Variants in VARS1 observed in about 807,000 individuals in gnomAD.
VARS1 encodes the protein valyl-tRNA synthetase 1, also known as valine--tRNA ligase.
In VARS1, 92 loss-of-function variants were observed where a neutral mutation model predicts 161.0. The ratio of observed to expected loss-of-function variants is 0.57; its 90% CI spans 0.48 to 0.68. The LOEUF (loss-of-function observed/expected upper bound fraction) is 0.68, where lower values mean the gene tolerates loss of function less well. Ranked by LOEUF, VARS1 falls within the 30% of genes least tolerant of loss-of-function variation. The pLI is 0.00. For synonymous variants in VARS1, 595 were observed against 682.5 expected (o/e 0.87, Z 2.00); for missense variants, 1,338 against 1,695.9 (o/e 0.79, Z 3.71).
Position 31,779,361 on chromosome 6 carries a change from A to G in VARS1, c.3400+64T>C. The G allele has an allele frequency of 6.2e-7, 1 of 1,602,842 alleles. No individual in the cohort carries two copies. The highest frequency in any genetic ancestry group is 8.5e-7 in the Non-Finnish European group (1 of 1,178,336). Reference sequence around the variant, plus strand: ...GGAAACCAAGCAGTCACTGCCGGACACTGGGTCCCAGAGTAGGCTGAGGGG... The same window carrying G: ...GGAAACCAAGCAGTCACTGCCGGACGCTGGGTCCCAGAGTAGGCTGAGGGG... On this transcript the variant is annotated intron_variant, in intron 28 of 29. Transcript: ENST00000375663. The surrounding 1 kb of genome is among the most constrained non-coding windows in gnomAD (Gnocchi z 9.1).
At chr6:31,783,288 T>C in intron 13 of VARS1, 102 bp from the exon 14 acceptor site, 1 of 1,253,532 alleles carries the variant, frequency 8.0e-7, no homozygotes, top group Non-Finnish European at 1.1e-6. Flanking sequence ...GCAGATCACT[T>C]GAGGCCGGGA....
intron 2 of VARS1, among the ~76,000 whole-genome samples, chr6:31,793,514 AAAAAC>A (rs1463978537): frequency 1.1e-4 from 16 of 152,230 alleles, no homozygotes; most frequent in Admixed American, 9.8e-4. Context: ...TCAGAAAAAA[AAAAAC>A]AAAACACTTC....
Position 31,792,303 on chromosome 6 carries a change from T to C in VARS1, c.787-2A>G. ...CCTCTTCTCTGGTTTTGGTTTCTTC[T>C]GCTTGGGAGGGAGAAGACATAGGCC... On this transcript the variant is annotated splice_acceptor_variant, in intron 5 of 29. Coordinates refer to ENST00000375663, the MANE Select transcript of VARS1 (RefSeq NM_006295.3). LOFTEE classifies it high-confidence loss of function. 2 of 1,613,896 alleles carry C rather than the reference T, an allele frequency of 1.2e-6. No homozygotes were observed. Among genetic ancestry groups the C allele is most frequent in the Non-Finnish European group, 1.7e-6 (2 of 1,179,966 alleles).
chr6:31,778,797 G>A lies in VARS1; in HGVS notation c.3726+170C>T, dbSNP rs1383324341. 8 of 924,590 alleles carry A rather than the reference G, an allele frequency of 8.7e-6. No homozygotes were observed. The highest frequency in any genetic ancestry group is 1.1e-5 in the Non-Finnish European group (7 of 627,726). 57.3% of individuals were successfully genotyped at this position (924,590 alleles called of 1,614,324 possible). A position where few individuals can be genotyped will look rare whatever the true frequency, so the allele number is the denominator to read the frequency against. On this transcript the variant is annotated intron_variant, in intron 29 of 29. Coordinates refer to ENST00000375663, the MANE Select transcript of VARS1 (RefSeq NM_006295.3). The surrounding 1 kb of genome is among the most constrained non-coding windows in gnomAD (Gnocchi z 5.1). The stretch of plus-strand genomic sequence containing the variant: ...TCTGGGATTACAGGTGTGAGCCACT[G>A]AGCCAGGCTGTTTTGTTTTTTAAGG...
Position 31,791,843 on chromosome 6 carries a change from CTG to C in VARS1, c.972+26_972+27del. On this transcript the variant is annotated intron_variant, in intron 7 of 29. Coordinates refer to ENST00000375663, the MANE Select transcript of VARS1 (RefSeq NM_006295.3). The surrounding 1 kb of genome is among the most constrained non-coding windows in gnomAD (Gnocchi z 5.0). ...CCTGCCCTTCCCCACCCCACCCACT[CTG>C]GGCCTGGGCAGCAGTGCCTACTCAC... 1 of 1,611,974 alleles carries C rather than the reference CTG, an allele frequency of 6.2e-7. No homozygotes were observed. The highest frequency in any genetic ancestry group is 8.5e-7 in the Non-Finnish European group (1 of 1,179,430).
intron 2 of VARS1, among the ~76,000 whole-genome samples, 160 bp downstream of exon 2, chr6:31,794,671 T>C (rs1814137940): frequency 6.6e-6 from 1 of 152,236 alleles, no homozygotes; most frequent in Non-Finnish European, 1.5e-5. Context: ...ACAGCGGGTC[T>C]ATGAAACGTG....
Position 31,782,188 on chromosome 6 carries a change from C to A in VARS1, c.2151-11G>T. ...GAAATGCACCACTCCCTGCAAATGT[C>A]GGGGAGGAGAAATCAGGGAGGGCCT... On this transcript the variant is annotated splice_polypyrimidine_tract_variant and intron_variant, in intron 17 of 29. Coordinates refer to ENST00000375663, the MANE Select transcript of VARS1 (RefSeq NM_006295.3). This position sits in a 1 kb window ranked among gnomAD's most constrained non-coding sequence, Gnocchi z 8.3. The A allele has an allele frequency of 6.2e-7, 1 of 1,613,114 alleles. No individual in the cohort carries two copies. Among genetic ancestry groups the A allele is most frequent in the African/African-American group, 1.3e-5 (1 of 75,052 alleles).
rs1813454987 is a variant in VARS1, at chr6:31,785,700, G to A, written c.1134C>T (p.Asn378=). Residue 378 remains asparagine (N), a synonymous_variant, in exon 9 of 30, where the codon AAC becomes AAT. Coordinates refer to ENST00000375663, the MANE Select transcript of VARS1 (RefSeq NM_006295.3). The surrounding 1 kb of genome is among the most constrained non-coding windows in gnomAD (Gnocchi z 6.1). ...HRMRGETTLW[N]PGCDHAGIAT... ...CAATACCTGCATGGTCACAGCCAGG[G>A]TTCCACAGGGTGGTCTCCCCACGCA... The A allele has an allele frequency of 6.2e-7, 1 of 1,612,732 alleles. No individual in the cohort carries two copies. The highest frequency in any genetic ancestry group is 8.5e-7 in the Non-Finnish European group (1 of 1,179,938).
intron 4 of VARS1, 110 bp downstream of exon 4, chr6:31,792,647 C>G (rs1461300557): frequency 2.0e-5 from 32 of 1,592,872 alleles, no homozygotes; most frequent in Non-Finnish European, 2.7e-5. Context: ...TCCCTCCTCT[C>G]CCGCAGGACC....
rs1813838742 is a variant in VARS1 at position 31,791,127 on chromosome 6, G to A, written c.1100+483C>T. ...GATGGCGTCACTGCACTCCGGCCTG[G>A]GCAACAGAACAAGACTCTGTCCCCC... is the stretch of plus-strand genomic sequence containing the variant. On this transcript the variant is annotated intron_variant, in intron 8 of 29. Transcript: ENST00000375663. The surrounding 1 kb of genome is among the most constrained non-coding windows in gnomAD (Gnocchi z 5.0). Among the ~76,000 whole-genome samples the A allele has an allele frequency of 6.6e-6, 1 of 151,818 alleles. No individual in the cohort carries two copies. Among genetic ancestry groups the A allele is most frequent in the African/African-American group, 2.4e-5 (1 of 41,296 alleles).
chr6:31,791,976 G>A lies in VARS1; in HGVS notation c.872-5C>T. The stretch of plus-strand genomic sequence containing the variant: ...CGGGCATGGGGCCACTGACATCTGG[G>A]GGAGAGGAAGGGAGGGCTCAGTGCC... On this transcript the variant is annotated splice_polypyrimidine_tract_variant and splice_region_variant and intron_variant, in intron 6 of 29. Coordinates refer to ENST00000375663, the MANE Select transcript of VARS1 (RefSeq NM_006295.3). This position sits in a 1 kb window ranked among gnomAD's most constrained non-coding sequence, Gnocchi z 5.0. The A allele has an allele frequency of 1.9e-6, 3 of 1,571,550 alleles. No homozygotes were observed. Among genetic ancestry groups the A allele is most frequent in the Non-Finnish European group, 1.7e-6 (2 of 1,158,762 alleles).
rs772603870 is a variant in VARS1, at chr6:31,784,324, G to T, written c.1577-16C>A. ...TCGTCGCTATCTGGGGTGACAGAAG[G>T]CCTTGTGGTCTTGGCCTTGGCCCCT... On this transcript the variant is annotated splice_polypyrimidine_tract_variant and intron_variant, in intron 12 of 29. Coordinates refer to ENST00000375663, the MANE Select transcript of VARS1 (RefSeq NM_006295.3). The surrounding 1 kb of genome is among the most constrained non-coding windows in gnomAD (Gnocchi z 6.1). 2 of 1,614,156 alleles carry T rather than the reference G, an allele frequency of 1.2e-6. No individual in the cohort carries two copies. The highest frequency in any genetic ancestry group is 1.1e-5 in the South Asian group (1 of 91,086).
At position 31,792,893 on chromosome 6, in the gene VARS1, G is replaced by C; in HGVS notation, c.525C>G (p.Val175=). 1 of 1,614,150 alleles carries C rather than the reference G, an allele frequency of 6.2e-7. No homozygotes were observed. The highest frequency in any genetic ancestry group is 8.5e-7 in the Non-Finnish European group (1 of 1,180,036). ...AGATCCGGCGGGCAGGTGGGTCTAG[G>C]ACCTGGAACAGGAAATAAATGACTC... ...VTALLLPFRY[V]LDPPARRIWN... The change falls in exon 4 of 30, where the codon GTC becomes GTG. Residue 175 remains valine (V), a splice_region_variant and synonymous_variant. Coordinates refer to ENST00000375663, the MANE Select transcript of VARS1 (RefSeq NM_006295.3).
rs1203538714 is a variant in VARS1 at position 31,782,144 on chromosome 6, G to A, written c.2184C>T (p.Gly728=). The A allele has an allele frequency of 6.2e-7, 1 of 1,613,916 alleles. No homozygotes were observed. ...EWCISRQLWW[G]HRIPAYFVTV... ...TGACAAAGTAGGCTGGGATGCGATG[G>A]CCCCACCACAGCTGCCTGGAAATGC... is the stretch of plus-strand genomic sequence containing the variant. The change falls in exon 18 of 30, where the codon GGC becomes GGT. Residue 728 remains glycine (G), a synonymous_variant. Coordinates refer to ENST00000375663, the MANE Select transcript of VARS1 (RefSeq NM_006295.3). This position sits in a 1 kb window ranked among gnomAD's most constrained non-coding sequence, Gnocchi z 8.3.
Position 31,792,524 on chromosome 6 carries a change from GAGGT to G in VARS1, c.662-12_662-9del, listed in dbSNP as rs1813946173. 6.2e-7 allele frequency: 1 copy of G among 1,613,736 alleles called. No homozygotes were observed. Among genetic ancestry groups the G allele is most frequent in the Non-Finnish European group, 8.5e-7 (1 of 1,179,990 alleles). On this transcript the variant is annotated splice_polypyrimidine_tract_variant and intron_variant, in intron 4 of 29. Coordinates refer to ENST00000375663, the MANE Select transcript of VARS1 (RefSeq NM_006295.3). ...GGGCAGGAGCCTCGGGGCCTAGAGA[GAGGT>G]GCAGAAATTCAGACTCAGCCAGCTG...
intron 8 of VARS1, among the ~76,000 whole-genome samples, chr6:31,787,143 C>G (rs1813561556): frequency 6.6e-6 from 1 of 151,746 alleles, no homozygotes; most frequent in South Asian, 2.1e-4. Context: ...TGAGGCTGCA[C>G]CAAGCTATGA....
In VARS1 at chr6:31,783,015, T is replaced by C. The variant is rs897049464; in HGVS notation, c.1762+81A>G. On this transcript the variant is annotated intron_variant, in intron 14 of 29. Coordinates refer to ENST00000375663, the MANE Select transcript of VARS1 (RefSeq NM_006295.3). ...CTGTCTATTTGGCTGAAGCTTATTT[T>C]CTTTTTCTCTGAGAGAAGATGGACA... 9.0e-6 allele frequency: 14 copies of C among 1,562,448 alleles called. No individual in the cohort carries two copies. In the African/African-American group the frequency reaches 1.9e-4, roughly 21 times the overall value.
Position 31,785,490 on chromosome 6 carries a change from G to A in VARS1, c.1265+79C>T. ...GGAGGGTCTGACCCTGTGGCCAAGG[G>A]GTTACAGGTGACAGAGGTCTTCTGG... is the stretch of plus-strand genomic sequence containing the variant. On this transcript the variant is annotated intron_variant, in intron 9 of 29. Coordinates refer to ENST00000375663, the MANE Select transcript of VARS1 (RefSeq NM_006295.3). This position sits in a 1 kb window ranked among gnomAD's most constrained non-coding sequence, Gnocchi z 6.1. 1.3e-6 allele frequency: 2 copies of A among 1,526,080 alleles called. No individual in the cohort carries two copies. Among genetic ancestry groups the A allele is most frequent in the Non-Finnish European group, 1.8e-6 (2 of 1,133,194 alleles). 94.5% of individuals were successfully genotyped at this position (1,526,080 alleles called of 1,614,324 possible). A position where few individuals can be genotyped will look rare whatever the true frequency, so the allele number is the denominator to read the frequency against.
Position 31,784,704 on chromosome 6 carries a change from G to T in VARS1, c.1358C>A (p.Ala453Glu), listed in dbSNP as rs757705723. ...CCGGACAAAGGCCTCTGTCACAGCT[G>T]CTGAGAGTTTCTGGGGTGGAGGAGG... ...ACFTMDPKLS[A>E]AVTEAFVRLH... The change falls in exon 11 of 30, where the codon GCA (alanine) becomes GAA (glutamate). Residue 453 changes from alanine (A) to glutamate (E), a missense_variant. Physicochemically the swap from Ala to Glu is moderately radical, Grantham distance 107 (BLOSUM62 -1). Transcript: ENST00000375663. The surrounding 1 kb of genome is among the most constrained non-coding windows in gnomAD (Gnocchi z 6.1). 6.2e-7 allele frequency: 1 copy of T among 1,613,050 alleles called. No homozygotes were observed. The highest frequency in any genetic ancestry group is 1.1e-5 in the South Asian group (1 of 91,086).
Sources: allele counts gnomAD v4.1 joint callset (sites outside exome capture counted in the v4.1 genomes callset), GRCh38; gene constraint gnomAD v4.1.1; non-coding constraint Gnocchi (gnomAD v3.1); transcripts MANE v1.5; gene names NCBI Gene and HGNC (gene_info 2026-07-23, HGNC 2026-07-21).